The following KDM4C variants were observed in gnomAD, a reference collection of about 807,000 sequenced individuals.
The protein encoded by KDM4C is lysine-specific demethylase 4C.
A neutral mutation model predicts 129.3 loss-of-function variants in KDM4C; 81 were observed. The observed-to-expected ratio is 0.63, with a 90% CI of 0.52 to 0.75. The LOEUF (loss-of-function observed/expected upper bound fraction) is 0.75, where lower values mean the gene tolerates loss of function less well. Ranked by LOEUF, KDM4C falls within the 30% of genes least tolerant of loss-of-function variation. KDM4C has a pLI of 0.00. For synonymous variants in KDM4C, 573 were observed against 456.1 expected (o/e 1.26, Z -3.26); for missense variants, 1,457 against 1,304.0 (o/e 1.12, Z -1.81).
At chr9:7,059,096 T>C (rs936136353) in intron 17 of KDM4C, among the ~76,000 whole-genome samples, 7 of 152,196 alleles carry the variant, frequency 4.6e-5, no homozygotes, top group African/African-American at 1.7e-4. Flanking sequence ...TGATATTTTG[T>C]AATAAAATGT....
At chr9:6,733,756 C>A (rs2130227902) in intron 1 of KDM4C, among the ~76,000 whole-genome samples, 1 of 152,228 alleles carries the variant, frequency 6.6e-6, no homozygotes, top group South Asian at 2.1e-4. Context: ...ACAGAGCAGC[C>A]CCAAGGGCTG....
At chr9:6,924,497 G>A (rs563477441) in intron 8 of KDM4C, among the ~76,000 whole-genome samples, 1 of 152,320 alleles carries the variant, frequency 6.6e-6, no homozygotes, top group East Asian at 1.9e-4. Flanking sequence ...TCTGTCCTTA[G>A]TTTGGGGAAT....
chr9:6,924,898 G>A lies in KDM4C; in HGVS notation c.921+31666G>A, dbSNP rs181981501. The stretch of plus-strand genomic sequence containing the variant: ...AATATTTGGGGTGGTGGAGCATTTT[G>A]TTGGTCAGAGTACAGCCTTTAGTTC... On this transcript the variant is annotated intron_variant, in intron 8 of 21. Transcript: ENST00000381309. The A allele has an allele frequency of 1.0e-5, 10 of 984,508 alleles. No homozygotes were observed. The South Asian group carries it at 3.8e-4, about 37-fold the overall frequency. The allele number at this position is 984,508 out of a possible 1,614,324, so 61.0% of individuals were successfully genotyped here. A position where few individuals can be genotyped will look rare whatever the true frequency, so the allele number is the denominator to read the frequency against.
intron 17 of KDM4C, among the ~76,000 whole-genome samples, chr9:7,061,848 A>G (rs1831720902): frequency 6.6e-6 from 1 of 152,200 alleles, no homozygotes; most frequent in South Asian, 2.1e-4. Flanking sequence ...CTGGGAAACT[A>G]ACCTCTTGTT....
At chr9:6,990,798 A>G (rs192712406) in intron 12 of KDM4C, among the ~76,000 whole-genome samples, 228 of 152,276 alleles carry the variant, frequency 1.5e-3, no homozygotes, top group African/African-American at 5.1e-3. Context: ...TTAGGGTTCT[A>G]CAGAAGAAGC....
chr9:7,022,010 C>G (rs550984224), intron 15 of KDM4C, among the ~76,000 whole-genome samples: 2 of 152,164 alleles, frequency 1.3e-5, no homozygotes, highest in African/African-American at 2.4e-5. Context: ...TTCCACTGAT[C>G]TAAGTGTCTG....
chr9:6,785,701 C>T (rs566678186), intron 1 of KDM4C, among the ~76,000 whole-genome samples: 9 of 152,244 alleles, frequency 5.9e-5, no homozygotes, highest in South Asian at 2.1e-4. Flanking sequence ...AATATGACCT[C>T]ATGTTAACTT....
chr9:6,971,018 T>A (rs1272338161), intron 8 of KDM4C, among the ~76,000 whole-genome samples: 2 of 152,222 alleles, frequency 1.3e-5, no homozygotes, highest in Non-Finnish European at 2.9e-5. Flanking sequence ...CTTATATTTA[T>A]GCACTGGTGA....
chr9:7,005,248 C>T (rs1376853631), intron 12 of KDM4C, among the ~76,000 whole-genome samples: 1 of 152,004 alleles, frequency 6.6e-6, no homozygotes, highest in African/African-American at 2.4e-5. Flanking sequence ...CCAGCCTGGC[C>T]AACATGGTGA....
intron 8 of KDM4C, among the ~76,000 whole-genome samples, chr9:6,974,293 A>G (rs1832550907): frequency 6.6e-6 from 1 of 152,208 alleles, no homozygotes; most frequent in African/African-American, 2.4e-5. Flanking sequence ...TTTAATAAAA[A>G]CATTTTAGGA....
chr9:7,049,068 T>C, intron 16 of KDM4C, 24 bp from the exon 17 acceptor site: 1 of 1,542,978 alleles, frequency 6.5e-7, no homozygotes, highest in Middle Eastern at 1.7e-4. Flanking sequence ...CTTTTGTTTA[T>C]GTTTAATGTC....
chr9:6,915,354 A>G (rs1422535119), intron 8 of KDM4C, among the ~76,000 whole-genome samples: 1 of 152,208 alleles, frequency 6.6e-6, no homozygotes, highest in Non-Finnish European at 1.5e-5. Flanking sequence ...GCATTAGGTA[A>G]CAAAAGAAAA....
At chr9:6,807,957 C>T (rs1194841680) in intron 3 of KDM4C, among the ~76,000 whole-genome samples, 24 of 122,138 alleles carry the variant, frequency 2.0e-4, no homozygotes, top group African/African-American at 6.9e-4. Context: ...GTCAGCCCCC[C>T]GCCCGGCCAG....
intron 4 of KDM4C, among the ~76,000 whole-genome samples, chr9:6,827,268 G>A (rs1489886970): frequency 1.3e-5 from 2 of 152,232 alleles, no homozygotes; most frequent in Non-Finnish European, 2.9e-5. Flanking sequence ...GGAAGAAATT[G>A]AATTAACTGC....
intron 8 of KDM4C, among the ~76,000 whole-genome samples, chr9:6,942,127 T>C (rs781781801): frequency 2.6e-5 from 4 of 152,186 alleles, no homozygotes; most frequent in Non-Finnish European, 4.4e-5. Context: ...TTTGACCGCA[T>C]TGTGTTTGGG....
chr9:6,812,706 T>C (rs1216314417), intron 3 of KDM4C, among the ~76,000 whole-genome samples: 1 of 152,156 alleles, frequency 6.6e-6, no homozygotes, highest in Non-Finnish European at 1.5e-5. Flanking sequence ...CTACTGGGGA[T>C]TGGGGACCCA....
chr9:6,856,627 C>A (rs936154104), intron 5 of KDM4C, among the ~76,000 whole-genome samples: 1 of 148,724 alleles, frequency 6.7e-6, no homozygotes, highest in African/African-American at 2.5e-5. Flanking sequence ...GGGCTGAATG[C>A]GGTGTTGCGA....
chr9:6,946,328 C>T (rs1002933724), intron 8 of KDM4C, among the ~76,000 whole-genome samples: 2 of 152,068 alleles, frequency 1.3e-5, no homozygotes, highest in Non-Finnish European at 2.9e-5. Flanking sequence ...ACCTGACACA[C>T]CTCCGTGACA....
intron 8 of KDM4C, among the ~76,000 whole-genome samples, chr9:6,952,335 A>G (rs1383635491): frequency 6.6e-6 from 1 of 151,674 alleles, no homozygotes; most frequent in Non-Finnish European, 1.5e-5. Flanking sequence ...TTATAGGAAA[A>G]GAGTATGAAA....
Sources: allele counts gnomAD v4.1 joint callset (sites outside exome capture counted in the v4.1 genomes callset), GRCh38; gene constraint gnomAD v4.1.1; transcripts MANE v1.5; gene names NCBI Gene and HGNC (gene_info 2026-07-23, HGNC 2026-07-21).